Variants in COL4A6 observed in about 807,000 individuals in gnomAD.
The protein encoded by COL4A6 is collagen type IV alpha 6 chain.
In COL4A6, 59 loss-of-function variants were observed where a neutral mutation model predicts 126.7. The ratio of observed to expected loss-of-function variants is 0.47; its 90% CI spans 0.38 to 0.58. The LOEUF (loss-of-function observed/expected upper bound fraction) is 0.58. COL4A6 is among the 20% of genes least tolerant of loss of function. The probability of loss-of-function intolerance (pLI) is 0.00; values close to 1 mark genes in which losing one functional copy is unlikely to be tolerated. For missense variants in COL4A6, 1,285 were observed against 1,337.3 expected, an observed-to-expected ratio of 0.96 and a Z score of 0.61; for synonymous variants, 547 against 496.6, an observed-to-expected ratio of 1.10 and a Z score of -1.35.
chrX:108,225,675 G>T (rs1403481847), intron 3 of COL4A6, among the ~76,000 whole-genome samples: 2 of 112,657 alleles, frequency 1.8e-5, no homozygotes, highest in Non-Finnish European at 3.8e-5. Flanking sequence ...CCAGAAATGG[G>T]GCTGCCTATA....
In COL4A6 at chrX:108,156,914, G is replaced by A; in HGVS notation, c.*86C>T. On this transcript the variant is annotated 3_prime_UTR_variant, in exon 45 of 45. Transcript: ENST00000334504. ...CAACTTGACAGGCAAAGGGGCTCAG[G>A]CCTTCCTTCTTCAGACCATTCAGGT... is the stretch of plus-strand genomic sequence containing the variant. 2.0e-6 allele frequency: 2 copies of A among 976,186 alleles called. No individual in the cohort carries two copies. The highest frequency in any genetic ancestry group is 2.9e-6 in the Non-Finnish European group (2 of 700,080). The allele number at this position is 976,186 out of a possible 1,213,427, so 80.4% of individuals were successfully genotyped here.
intron 32 of COL4A6, among the ~76,000 whole-genome samples, 185 bp from the exon 33 acceptor site, chrX:108,171,646 T>C (rs1279673169): frequency 6.2e-5 from 7 of 112,093 alleles, no homozygotes; most frequent in Non-Finnish European, 1.3e-4. Context: ...GCTACCAGAC[T>C]ACTGGCATGA....
At position 108,205,877 on chromosome X, in the gene COL4A6, T is replaced by C. The variant is rs2035532810; in HGVS notation, c.610-182A>G. ...TTTGAAATCCCCCAAATTGACCTGG[T>C]AATCACATTAATGCTAAGGTAGTGA... On this transcript the variant is annotated intron_variant, in intron 9 of 44. Transcript: ENST00000334504. Among the ~76,000 whole-genome samples the C allele has an allele frequency of 1.8e-5, 2 of 111,150 alleles. 1 individual carries two copies. The highest frequency in any genetic ancestry group is 7.7e-4 in the South Asian group (2 of 2,595).
At chrX:108,172,084 G>A (rs2034320823) in intron 32 of COL4A6, among the ~76,000 whole-genome samples, 1 of 111,827 alleles carries the variant, frequency 8.9e-6, no homozygotes, top group African/African-American at 3.3e-5. Flanking sequence ...CAGGTGCAGT[G>A]GCTCACGCCT....
chrX:108,159,750 T>C lies in COL4A6; in HGVS notation c.4526-2A>G. The C allele has an allele frequency of 8.3e-7, 1 of 1,211,745 alleles. No homozygotes were observed. Among genetic ancestry groups the C allele is most frequent in the Non-Finnish European group, 1.1e-6 (1 of 895,470 alleles). The stretch of plus-strand genomic sequence containing the variant: ...GGGGCAGACAGGAGCCAGCAAAGCC[T>C]GGAAGGAGAGAAAGTGGGCAAGGGC... On this transcript the variant is annotated splice_acceptor_variant, in intron 43 of 44. Transcript: ENST00000334504. LOFTEE classifies it high-confidence loss of function.
In COL4A6 at chrX:108,170,691, T is replaced by A; in HGVS notation, c.3411A>T (p.Arg1137Ser). 1 of 1,207,245 alleles carries A rather than the reference T, an allele frequency of 8.3e-7. No homozygotes were observed. Among genetic ancestry groups the A allele is most frequent in the African/African-American group, 1.7e-5 (1 of 57,496 alleles). ...AAGAACCTGGAAGTCCTGGTTCTCCTCTCATGCCGGCAACTCCTGGAAATC... is the reference window on the plus strand; with the variant it reads ...AAGAACCTGGAAGTCCTGGTTCTCCACTCATGCCGGCAACTCCTGGAAATC... Reference protein sequence around the residue: ...APGFPGVAGMRGEPGLPGSSG... With the variant: ...APGFPGVAGMSGEPGLPGSSG... The change falls in exon 35 of 45, where the codon AGA (arginine) becomes AGT (serine). Residue 1137 changes from arginine to serine, a missense_variant. Physicochemically the swap from Arg to Ser is moderately radical, Grantham distance 110. Transcript: ENST00000334504.
intron 3 of COL4A6, among the ~76,000 whole-genome samples, chrX:108,271,947 A>G (rs142233535): frequency 8.9e-6 from 1 of 112,277 alleles, no homozygotes; most frequent in East Asian, 2.8e-4. Flanking sequence ...GGTATACACA[A>G]TAACATCTGA....
chrX:108,173,561 C>T (rs1338929495), intron 31 of COL4A6, among the ~76,000 whole-genome samples: 1 of 110,772 alleles, frequency 9.0e-6, no homozygotes. Flanking sequence ...GGGACTTTGC[C>T]TGCAAGGAGC....
upstream of COL4A6, among the ~76,000 whole-genome samples, chrX:108,438,841 T>C (rs1333322518): frequency 1.8e-5 from 2 of 112,486 alleles, no homozygotes; most frequent in Non-Finnish European, 3.8e-5. Context: ...TGGGCCCTCG[T>C]GAAATAGATC....
intron 2 of COL4A6, among the ~76,000 whole-genome samples, chrX:108,336,518 G>T (rs1156396343): frequency 9.0e-6 from 1 of 111,291 alleles, no homozygotes. Flanking sequence ...TGGGTACAGG[G>T]TTCCCATTTG....
At chrX:108,237,085 A>G (rs1418735795) in intron 3 of COL4A6, among the ~76,000 whole-genome samples, 1 of 111,468 alleles carries the variant, frequency 9.0e-6, no homozygotes, top group Non-Finnish European at 1.9e-5. Context: ...CACTCTTATT[A>G]GACCCTTTAG....
At chrX:108,389,390 C>A (rs2148164492) in intron 2 of COL4A6, among the ~76,000 whole-genome samples, 1 of 111,834 alleles carries the variant, frequency 8.9e-6, no homozygotes, top group East Asian at 2.8e-4. Context: ...CTTTATGAAT[C>A]TGGATGCTCC....
intron 15 of COL4A6, 79 bp from the exon 16 acceptor site, chrX:108,194,666 A>T: frequency 2.1e-6 from 2 of 955,766 alleles, no homozygotes; most frequent in South Asian, 4.2e-5. Flanking sequence ...AAGCCAGGGC[A>T]AATGGCACAG....
At chrX:108,308,327 A>T (rs1030253376) in intron 3 of COL4A6, among the ~76,000 whole-genome samples, 1 of 111,456 alleles carries the variant, frequency 9.0e-6, no homozygotes, top group Admixed American at 9.5e-5. Flanking sequence ...GATATATAAG[A>T]TTTTCTACTT....
At chrX:108,292,490 A>C (rs1195177340) in intron 3 of COL4A6, among the ~76,000 whole-genome samples, 1 of 111,984 alleles carries the variant, frequency 8.9e-6, no homozygotes, top group African/African-American at 3.2e-5. Context: ...GCTCTTTAAG[A>C]GTGAAAGGGT....
intron 5 of COL4A6, among the ~76,000 whole-genome samples, chrX:108,215,041 A>G (rs1332223970): frequency 8.9e-6 from 1 of 111,975 alleles, no homozygotes; most frequent in Non-Finnish European, 1.9e-5. Context: ...CAGAAAGACC[A>G]GAAATATAGA....
intron 2 of COL4A6, among the ~76,000 whole-genome samples, chrX:108,331,555 T>A (rs1449346911): frequency 8.9e-6 from 1 of 111,840 alleles, no homozygotes; most frequent in Non-Finnish European, 1.9e-5. Flanking sequence ...GTAACCACTG[T>A]TGTATATGCC....
chrX:108,281,841 G>A (rs1419642559), intron 3 of COL4A6, among the ~76,000 whole-genome samples: 4 of 110,559 alleles, frequency 3.6e-5, no homozygotes, highest in South Asian at 3.9e-4. Flanking sequence ...AAATAACGCC[G>A]CATGTCTACA....
At chrX:108,435,835 C>T (rs2064255679) in intron 2 of COL4A6, among the ~76,000 whole-genome samples, 1 of 111,857 alleles carries the variant, frequency 8.9e-6, no homozygotes, top group Non-Finnish European at 1.9e-5. Context: ...CAAAACACAA[C>T]ATAGTTCCTG....
Sources: gnomAD v4.1 joint callset for allele counts (sites outside exome capture counted in the v4.1 genomes callset) on GRCh38, gnomAD v4.1.1 for gene constraint, MANE v1.5 for transcripts, NCBI Gene and HGNC (gene_info 2026-07-23, HGNC 2026-07-21) for gene names.